Variants in NRXN2 observed in about 807,000 individuals in gnomAD.
NRXN2 encodes the protein neurexin-2-beta.
In NRXN2, 29 loss-of-function variants were observed where a neutral mutation model predicts 128.8. That is an observed-to-expected ratio of 0.23 (90% CI 0.17 to 0.31). NRXN2 has a LOEUF of 0.31. NRXN2 is among the 10% of genes least tolerant of loss of function. The pLI, the probability that NRXN2 is intolerant of heterozygous loss-of-function variation, is 1.00. For missense variants in NRXN2, 1,881 were observed against 2,452.6 expected (o/e 0.77, Z 4.92); for synonymous variants, 1,098 against 1,075.2 (o/e 1.02, Z -0.41).
At chr11:64,649,216 G>A (rs1423420639) in intron 15 of NRXN2, among the ~76,000 whole-genome samples, 2 of 152,138 alleles carry the variant, frequency 1.3e-5, no homozygotes, top group South Asian at 2.1e-4. Context: ...GTTCCGGCCC[G>A]TAATCAGGGC....
intron 19 of NRXN2, among the ~76,000 whole-genome samples, chr11:64,627,066 C>T (rs1459666804): frequency 3.3e-5 from 5 of 152,110 alleles, no homozygotes; most frequent in Non-Finnish European, 7.4e-5. Context: ...GCACATTGAA[C>T]AGTGAGATTT....
In NRXN2 at chr11:64,648,368, T is replaced by C. The variant is rs2047003608; in HGVS notation, c.3284-30A>G. The C allele has an allele frequency of 1.2e-6, 2 of 1,613,686 alleles. No individual in the cohort carries two copies. Among genetic ancestry groups the C allele is most frequent in the Middle Eastern group, 1.7e-4 (1 of 6,002 alleles). ...AAGGGGCAGGAGAAAGGAACACCCC[T>C]GGCTCAGCCAAGCCCCCTCTTTCCC... is the stretch of plus-strand genomic sequence containing the variant. On this transcript the variant is annotated intron_variant, in intron 16 of 22. Transcript: ENST00000265459. The surrounding 1 kb of genome is among the most constrained non-coding windows in gnomAD (Gnocchi z 4.1).
intron 22 of NRXN2, among the ~76,000 whole-genome samples, chr11:64,619,318 G>T (rs1328445843): frequency 6.6e-6 from 1 of 151,690 alleles, no homozygotes; most frequent in Admixed American, 6.6e-5. Flanking sequence ...GGGAAATCTG[G>T]CCACATCCAG....
chr11:64,690,061 T>C (rs771715915), intron 5 of NRXN2, among the ~76,000 whole-genome samples: 1 of 152,166 alleles, frequency 6.6e-6, no homozygotes, highest in Non-Finnish European at 1.5e-5. Context: ...CAGAATTTGA[T>C]GGTTAAATTG....
chr11:64,702,004 G>A (rs1311555565), intron 2 of NRXN2, among the ~76,000 whole-genome samples: 1 of 148,928 alleles, frequency 6.7e-6, no homozygotes, highest in Non-Finnish European at 1.5e-5. Flanking sequence ...AGGGAGGTGG[G>A]GGGGGTCAGC....
chr11:64,608,132 G>A, intron 22 of NRXN2, 50 bp from the exon 23 acceptor site: 1 of 1,387,690 alleles, frequency 7.2e-7, no homozygotes, highest in Non-Finnish European at 1.0e-6. Context: ...GAGGGCCAGG[G>A]CGCAGGCGGC....
Position 64,685,848 on chromosome 11 carries a change from G to A in NRXN2, c.950C>T (p.Ala317Val), listed in dbSNP as rs1288138197. Residue 317 changes from alanine to valine, a missense_variant, in exon 6 of 23, where the codon GCC (alanine) becomes GTC (valine). Coordinates refer to ENST00000265459, the MANE Select transcript of NRXN2 (RefSeq NM_015080.4). ...IQSSTDEITL[A>V]FRTLQRNGLM... ...GCCGTTGCGTTGCAGGGTGCGGAAG[G>A]CCAGTGTGATCTCATCAGTGCTGCT... 3.7e-6 allele frequency: 6 copies of A among 1,614,238 alleles called. No individual in the cohort carries two copies. The highest frequency in any genetic ancestry group is 5.1e-6 in the Non-Finnish European group (6 of 1,180,038).
chr11:64,697,930 A>G (rs1255241357), intron 2 of NRXN2, 138 bp from the exon 3 acceptor site: 1 of 933,746 alleles, frequency 1.1e-6, no homozygotes, highest in Non-Finnish European at 1.7e-6. Flanking sequence ...GAGTCACCCA[A>G]TGTGGAAGGC....
chr11:64,713,844 G>T lies in NRXN2; in HGVS notation c.-145C>A. ...TCACAGTGCCATGGGCCCGGCCGCGGGGCGAGGCGCGCAGAGGCCCAGATG... is the reference window on the plus strand; with the variant it reads ...TCACAGTGCCATGGGCCCGGCCGCGTGGCGAGGCGCGCAGAGGCCCAGATG... On this transcript the variant is annotated 5_prime_UTR_variant, in exon 2 of 23. Coordinates refer to ENST00000265459, the MANE Select transcript of NRXN2 (RefSeq NM_015080.4). The T allele has an allele frequency of 2.7e-6, 1 of 365,970 alleles. No individual in the cohort carries two copies. Among genetic ancestry groups the T allele is most frequent in the Non-Finnish European group, 3.8e-6 (1 of 260,234 alleles). 22.7% of individuals were successfully genotyped at this position (365,970 alleles called of 1,614,324 possible).
At chr11:64,717,771 G>C (rs758874295) in intron 1 of NRXN2, among the ~76,000 whole-genome samples, 8 of 152,200 alleles carry the variant, frequency 5.3e-5, no homozygotes, top group Non-Finnish European at 1.0e-4. Context: ...TGTCACTCAG[G>C]CTTACAGACC....
chr11:64,608,322 TTTTG>T (rs1436863040), intron 22 of NRXN2, among the ~76,000 whole-genome samples: 21 of 152,166 alleles, frequency 1.4e-4, no homozygotes, highest in Non-Finnish European at 2.5e-4. Flanking sequence ...GGTTTTGGTC[TTTTG>T]TTTGTCTTAA....
chr11:64,656,717 G>A (rs964139077), intron 11 of NRXN2, among the ~76,000 whole-genome samples: 1 of 151,810 alleles, frequency 6.6e-6, no homozygotes, highest in Non-Finnish European at 1.5e-5. Flanking sequence ...GCCATGCTGG[G>A]ATAGGGCAAA....
intron 1 of NRXN2, among the ~76,000 whole-genome samples, chr11:64,717,509 G>A (rs558229644): frequency 2.6e-5 from 4 of 152,338 alleles, no homozygotes; most frequent in African/African-American, 7.2e-5. Flanking sequence ...GGGGCAGGGG[G>A]TGGCTAGGCT....
chr11:64,641,878 G>C (rs1038487395), intron 17 of NRXN2, among the ~76,000 whole-genome samples: 2 of 152,002 alleles, frequency 1.3e-5, no homozygotes, highest in Non-Finnish European at 2.9e-5. Context: ...AGACACTAGA[G>C]ATTAGGGGAA....
intron 2 of NRXN2, among the ~76,000 whole-genome samples, chr11:64,711,204 C>A (rs937710735): frequency 6.6e-6 from 1 of 152,234 alleles, no homozygotes; most frequent in Non-Finnish European, 1.5e-5. Context: ...AGTGCCGGGC[C>A]ACATTCATGT....
chr11:64,715,807 G>C (rs1164602923), intron 1 of NRXN2, among the ~76,000 whole-genome samples: 1 of 152,188 alleles, frequency 6.6e-6, no homozygotes, highest in Non-Finnish European at 1.5e-5. Flanking sequence ...AACACTGTCG[G>C]GTTATATATA....
intron 18 of NRXN2, among the ~76,000 whole-genome samples, chr11:64,633,124 G>A (rs1237575682): frequency 6.6e-6 from 1 of 152,156 alleles, no homozygotes; most frequent in African/African-American, 2.4e-5. Flanking sequence ...TGCCGTACCC[G>A]GCACCAGTAC....
chr11:64,686,414 C>G (rs1309227802), intron 5 of NRXN2, among the ~76,000 whole-genome samples: 1 of 152,206 alleles, frequency 6.6e-6, no homozygotes, highest in Admixed American at 6.5e-5. Context: ...CCTGCCCCTC[C>G]TCCAGCGATG....
intron 3 of NRXN2, among the ~76,000 whole-genome samples, chr11:64,694,471 T>A (rs2054230642): frequency 6.6e-6 from 1 of 152,234 alleles, no homozygotes. Context: ...CTGGACCCCG[T>A]GGCAGATGGT....
Sources: gnomAD v4.1 joint callset for allele counts (sites outside exome capture counted in the v4.1 genomes callset) on GRCh38, gnomAD v4.1.1 for gene constraint, Gnocchi (gnomAD v3.1) non-coding constraint, MANE v1.5 for transcripts, NCBI Gene and HGNC (gene_info 2026-07-23, HGNC 2026-07-21) for gene names.